The following ZNF804B variants were observed in gnomAD, a reference collection of about 807,000 sequenced individuals.
ZNF804B encodes the protein zinc finger 804B.
ZNF804B carries 80 observed loss-of-function variants against 101.4 expected under a neutral mutation model. The observed-to-expected ratio is 0.79, with a 90% CI of 0.66 to 0.95. The LOEUF is 0.95. ZNF804B is among the 40% of genes least tolerant of loss of function. ZNF804B has a pLI of 0.00. For synonymous variants in ZNF804B, 622 were observed against 558.8 expected, an observed-to-expected ratio of 1.11 and a Z score of -1.59; for missense variants, 1,673 against 1,561.9, an observed-to-expected ratio of 1.07 and a Z score of -1.20.
At chr7:89,060,716 C>T (rs544908577) in intron 1 of ZNF804B, among the ~76,000 whole-genome samples, 3 of 152,126 alleles carry the variant, frequency 2.0e-5, no homozygotes, top group East Asian at 3.9e-4. Flanking sequence ...ATATATTGTA[C>T]GAAGATTTTT....
intron 1 of ZNF804B, among the ~76,000 whole-genome samples, chr7:89,133,074 C>T (rs555981353): frequency 3.7e-4 from 56 of 151,938 alleles, no homozygotes; most frequent in African/African-American, 1.3e-3. Context: ...AGGCAGGGGG[C>T]GTGTATCTCA....
At chr7:88,885,912 C>G (rs981739450) in intron 1 of ZNF804B, among the ~76,000 whole-genome samples, 1 of 151,954 alleles carries the variant, frequency 6.6e-6, no homozygotes, top group Non-Finnish European at 1.5e-5. Context: ...TGTTCTTTAT[C>G]AAATTTTCAA....
intron 1 of ZNF804B, among the ~76,000 whole-genome samples, chr7:88,827,590 T>A (rs1028072730): frequency 3.9e-5 from 6 of 152,104 alleles, no homozygotes; most frequent in African/African-American, 1.4e-4. Flanking sequence ...TAGGTGCACT[T>A]TTAACAGTTT....
At chr7:89,226,534 TTAA>T (rs57390520) in intron 2 of ZNF804B, among the ~76,000 whole-genome samples, 88,997 of 151,392 alleles carry the variant, frequency 0.59, 26,655 homozygotes, top group African/African-American at 0.63. Context: ...TTAAAATTAT[TTAA>T]TAATAATTTG....
intron 1 of ZNF804B, among the ~76,000 whole-genome samples, chr7:89,189,442 C>A (rs963864699): frequency 6.6e-6 from 1 of 152,056 alleles, no homozygotes; most frequent in Non-Finnish European, 1.5e-5. Context: ...AAGCCTCGAT[C>A]CAAGTAACCT....
At chr7:88,884,955 A>C (rs969265677) in intron 1 of ZNF804B, among the ~76,000 whole-genome samples, 11 of 151,876 alleles carry the variant, frequency 7.2e-5, no homozygotes, top group East Asian at 1.9e-4. Flanking sequence ...AAGGCTACTA[A>C]TAATAATTTT....
At chr7:89,029,369 G>T (rs530459425) in intron 1 of ZNF804B, among the ~76,000 whole-genome samples, 2 of 152,294 alleles carry the variant, frequency 1.3e-5, no homozygotes, top group African/African-American at 4.8e-5. Context: ...CTCCCAAAAT[G>T]CTGGGATTAC....
intron 2 of ZNF804B, among the ~76,000 whole-genome samples, chr7:89,230,010 G>T (rs11761410): frequency 0.037 from 5,613 of 152,086 alleles, 110 homozygotes; most frequent in Admixed American, 0.044. Flanking sequence ...ATATGTCTTA[G>T]TAAAATTTGT....
chr7:88,976,072 T>A (rs1412854796), intron 1 of ZNF804B, among the ~76,000 whole-genome samples: 1 of 151,600 alleles, frequency 6.6e-6, no homozygotes, highest in East Asian at 1.9e-4. Context: ...TGAAAATGAG[T>A]TCACTGTGGA....
At chr7:89,302,954 A>T (rs1790505152) in intron 2 of ZNF804B, among the ~76,000 whole-genome samples, 1 of 151,970 alleles carries the variant, frequency 6.6e-6, no homozygotes, top group African/African-American at 2.4e-5. Context: ...ATTTAAAAGT[A>T]AATTTAAATT....
intron 1 of ZNF804B, among the ~76,000 whole-genome samples, chr7:88,981,546 G>A (rs1380655398): frequency 1.3e-5 from 2 of 152,040 alleles, no homozygotes; most frequent in Non-Finnish European, 1.5e-5. Context: ...CACTGGCTCT[G>A]AATCCAGCAT....
chr7:88,763,881 A>T (rs1789938992), intron 1 of ZNF804B, among the ~76,000 whole-genome samples: 2 of 152,142 alleles, frequency 1.3e-5, no homozygotes, highest in African/African-American at 4.8e-5. Context: ...ACTTTGTTTT[A>T]ATAATTGGGA....
At chr7:89,010,984 C>T (rs1304605187) in intron 1 of ZNF804B, among the ~76,000 whole-genome samples, 1 of 152,174 alleles carries the variant, frequency 6.6e-6, no homozygotes, top group African/African-American at 2.4e-5. Context: ...AGTCCATTCT[C>T]ATGCTGCTAT....
intron 1 of ZNF804B, among the ~76,000 whole-genome samples, chr7:89,040,893 A>C (rs1322332857): frequency 6.6e-6 from 1 of 151,722 alleles, no homozygotes; most frequent in Non-Finnish European, 1.5e-5. Context: ...CTGGTGCTAA[A>C]GTGGAACTGT....
rs183806246 is a variant in ZNF804B at position 88,927,176 on chromosome 7, C to G, written c.108+167092C>G. Among the ~76,000 whole-genome samples, 303 of 152,244 alleles carry G rather than the reference C, an allele frequency of 2.0e-3. 4 individuals carry two copies. Among genetic ancestry groups the G allele is most frequent in the Non-Finnish European group, 1.5e-3 (102 of 68,016 alleles). ...TGTATATGGTAAGTCACAGAGGAGA[C>G]TTTCAAAGTGGCCCTATTGAAAGCA... On this transcript the variant is annotated intron_variant, in intron 1 of 3. Transcript: ENST00000333190.
chr7:89,103,874 T>C (rs530249918), intron 1 of ZNF804B, among the ~76,000 whole-genome samples: 10 of 152,072 alleles, frequency 6.6e-5, no homozygotes, highest in African/African-American at 2.4e-4. Flanking sequence ...GTTTGAAATA[T>C]ATGGCTGTTA....
intron 1 of ZNF804B, among the ~76,000 whole-genome samples, chr7:88,898,121 C>T (rs949435355): frequency 2.2e-4 from 24 of 106,998 alleles, no homozygotes; most frequent in African/African-American, 8.8e-4. Context: ...GAGTCTCACT[C>T]TGTAGCCCAG....
intron 1 of ZNF804B, among the ~76,000 whole-genome samples, chr7:88,870,331 G>A (rs1791800739): frequency 7.2e-6 from 1 of 139,218 alleles, no homozygotes; most frequent in Admixed American, 7.5e-5. Flanking sequence ...CTTGCAGTGA[G>A]TCGAGATCGC....
intron 1 of ZNF804B, among the ~76,000 whole-genome samples, chr7:89,034,303 G>A (rs554546534): frequency 2.4e-4 from 36 of 152,064 alleles, no homozygotes; most frequent in African/African-American, 8.7e-4. Flanking sequence ...TGGGATACAT[G>A]TACAGAATGT....
Sources: gnomAD v4.1 joint callset for allele counts (sites outside exome capture counted in the v4.1 genomes callset) on GRCh38, gnomAD v4.1.1 for gene constraint, MANE v1.5 for transcripts, NCBI Gene and HGNC (gene_info 2026-07-23, HGNC 2026-07-21) for gene names.